The following LY96 variants were observed in gnomAD, a reference collection of about 807,000 sequenced individuals.
LY96 encodes myeloid differentiation protein-2.
LY96 carries 18 observed loss-of-function variants against 18.9 expected under a neutral mutation model. The observed-to-expected ratio is 0.95, with a 90% CI of 0.66 to 1.41. LY96 has a LOEUF of 1.41. Among genes scored for constraint, LY96 ranks in the 40% most tolerant of loss-of-function variants. LY96 has a pLI of 0.00. For missense variants in LY96, 175 were observed against 182.4 expected (o/e 0.96, Z 0.23); for synonymous variants, 66 against 62.6 (o/e 1.06, Z -0.26).
At chr8:74,041,698 G>T in the LY96 span, among the ~76,000 whole-genome samples, 1 of 151,946 alleles carries the variant, frequency 6.6e-6, no homozygotes, top group Non-Finnish European at 1.5e-5. Flanking sequence ...GCTTATTAGG[G>T]TGGGGAAACC....
chr8:74,033,209 A>G (rs755166674), downstream of LY96, among the ~76,000 whole-genome samples: 22 of 152,306 alleles, frequency 1.4e-4, no homozygotes, highest in Admixed American at 3.3e-4. Context: ...GGGTAAGGAG[A>G]AAGGGATTAA....
chr8:74,057,312 CTT>C, the LY96 span, among the ~76,000 whole-genome samples: 3 of 152,160 alleles, frequency 2.0e-5, no homozygotes, highest in Middle Eastern at 3.4e-3. Context: ...GCTTTGAAAA[CTT>C]TGGGGATTTT....
the LY96 span, among the ~76,000 whole-genome samples, chr8:74,036,040 T>A: frequency 1.3e-5 from 2 of 152,178 alleles, no homozygotes; most frequent in Non-Finnish European, 2.9e-5. Context: ...CTTGGCAAAA[T>A]AAACTTTCGA....
the LY96 span, among the ~76,000 whole-genome samples, chr8:74,074,508 A>T: frequency 3.3e-5 from 5 of 150,996 alleles, no homozygotes; most frequent in African/African-American, 1.2e-4. Context: ...GATGTTTATT[A>T]TTTCTTTTCT....
chr8:74,024,180 G>A (rs1816823454), intron 3 of LY96, among the ~76,000 whole-genome samples: 1 of 151,962 alleles, frequency 6.6e-6, no homozygotes, highest in South Asian at 2.1e-4. Context: ...AATATCCAAA[G>A]CAAAACCCCG....
chr8:74,023,460 G>C (rs1185463928), intron 3 of LY96, among the ~76,000 whole-genome samples: 1 of 152,206 alleles, frequency 6.6e-6, no homozygotes, highest in Non-Finnish European at 1.5e-5. Context: ...GGGAAAGAAA[G>C]GTACTTGCTT....
At position 74,029,042 on chromosome 8, in the gene LY96, T is replaced by G. The variant is rs767470244; in HGVS notation, c.471T>G (p.Pro157=). 6.3e-7 allele frequency: 1 copy of G among 1,598,776 alleles called. No homozygotes were observed. The highest frequency in any genetic ancestry group is 8.6e-7 in the Non-Finnish European group (1 of 1,167,238). Residue 157 remains proline (P), a synonymous_variant, in exon 5 of 5, where the codon CCT becomes CCG. Transcript: ENST00000284818. ...FCLEFVILHQ[P]NSN The stretch of plus-strand genomic sequence containing the variant: ...TGGAGTTTGTCATCCTACACCAACC[T>G]AATTCAAATTAGAATAAATTGAGTA...
chr8:74,044,976 T>G, the LY96 span, among the ~76,000 whole-genome samples: 1 of 152,262 alleles, frequency 6.6e-6, no homozygotes. Context: ...CCTCTGTGGT[T>G]AAGCTGTGAG....
At chr8:74,096,056 C>G in the LY96 span, among the ~76,000 whole-genome samples, 186 of 152,356 alleles carry the variant, frequency 1.2e-3, 3 homozygotes, top group South Asian at 0.037. Context: ...TCCCTGACTC[C>G]TCTCTTTTGC....
At chr8:74,079,728 C>T in the LY96 span, 10 of 151,618 alleles carry the variant, frequency 6.6e-5, no homozygotes, top group Non-Finnish European at 2.9e-5. Context: ...AACAGGGTGT[C>T]GCTATGTCAC....
the LY96 span, among the ~76,000 whole-genome samples, chr8:74,070,526 A>AT: frequency 6.6e-6 from 1 of 152,178 alleles, no homozygotes; most frequent in Non-Finnish European, 1.5e-5. Context: ...AGTGTATGCC[A>AT]TTTAACTATG....
the LY96 span, among the ~76,000 whole-genome samples, chr8:74,097,756 A>G: frequency 6.6e-6 from 1 of 152,106 alleles, no homozygotes; most frequent in African/African-American, 2.4e-5. Context: ...AGATAAATAA[A>G]TAAACAATGT....
At chr8:74,054,586 C>CCTTT in the LY96 span, among the ~76,000 whole-genome samples, 24 of 112,892 alleles carry the variant, frequency 2.1e-4, 1 homozygote, top group East Asian at 1.2e-3. Context: ...CCCCCTCCCT[C>CCTTT]CTTTCTTTCT....
the LY96 span, among the ~76,000 whole-genome samples, chr8:74,067,742 T>G: frequency 3.9e-5 from 6 of 151,994 alleles, no homozygotes; most frequent in East Asian, 1.2e-3. Context: ...AAAAAATATT[T>G]GCAACCAACA....
At chr8:74,067,162 G>T in the LY96 span, among the ~76,000 whole-genome samples, 2 of 152,146 alleles carry the variant, frequency 1.3e-5, no homozygotes, top group Admixed American at 6.5e-5. Context: ...TCTTATCATA[G>T]GTATGTGTGC....
At chr8:74,063,785 A>T in the LY96 span, among the ~76,000 whole-genome samples, 1 of 148,460 alleles carries the variant, frequency 6.7e-6, no homozygotes, top group African/African-American at 2.6e-5. Context: ...ATAGTGTAAG[A>T]ACGTAACAAA....
chr8:74,050,310 T>G, the LY96 span, among the ~76,000 whole-genome samples: 3 of 152,010 alleles, frequency 2.0e-5, no homozygotes, highest in Non-Finnish European at 2.9e-5. Context: ...ACCACTGTAC[T>G]TCAGCCTGGG....
the LY96 span, among the ~76,000 whole-genome samples, chr8:74,036,268 A>G: frequency 6.6e-6 from 1 of 152,216 alleles, no homozygotes; most frequent in Non-Finnish European, 1.5e-5. Flanking sequence ...GATTAGAATT[A>G]TGGGAGGTGC....
the LY96 span, among the ~76,000 whole-genome samples, chr8:74,037,545 T>C: frequency 1.2e-4 from 19 of 152,258 alleles, no homozygotes; most frequent in South Asian, 2.7e-3. Flanking sequence ...GGTGAGATGA[T>C]AGCTTGAGCC....
Sources: gnomAD v4.1 joint callset for allele counts (sites outside exome capture counted in the v4.1 genomes callset) on GRCh38, gnomAD v4.1.1 for gene constraint, MANE v1.5 for transcripts, NCBI Gene and HGNC (gene_info 2026-07-23, HGNC 2026-07-21) for gene names.